Variants in PKN2 observed in about 807,000 individuals in gnomAD.
PKN2 encodes the protein protein kinase N2.
A neutral mutation model predicts 119.1 loss-of-function variants in PKN2; 38 were observed. The ratio of observed to expected loss-of-function variants is 0.32; its 90% CI spans 0.25 to 0.42. The LOEUF (loss-of-function observed/expected upper bound fraction) is 0.42. Ranked by LOEUF, PKN2 falls within the 10% of genes least tolerant of loss-of-function variation. The pLI, the probability that PKN2 is intolerant of heterozygous loss-of-function variation, is 1.00. For missense variants in PKN2, 850 were observed against 1,165.1 expected, an observed-to-expected ratio of 0.73 and a Z score of 3.94; for synonymous variants, 390 against 384.9, an observed-to-expected ratio of 1.01 and a Z score of -0.15.
intron 1 of PKN2, among the ~76,000 whole-genome samples, chr1:88,701,030 A>AT (rs993882344): frequency 3.9e-5 from 6 of 152,088 alleles, no homozygotes; most frequent in South Asian, 2.1e-4. Context: ...TCAGACTGAG[A>AT]TTTTTTTTAC....
At chr1:88,827,410 A>G (rs6693066) in intron 18 of PKN2, among the ~76,000 whole-genome samples, 2 of 151,954 alleles carry the variant, frequency 1.3e-5, no homozygotes, top group African/African-American at 4.8e-5. Flanking sequence ...CAAAATTTAT[A>G]TATGTTTCAT....
rs1483936743 is a variant in PKN2, at chr1:88,833,136, A to G, written c.2730A>G (p.Val910=). 6.2e-7 allele frequency: 1 copy of G among 1,612,968 alleles called. No individual in the cohort carries two copies. Among genetic ancestry groups the G allele is most frequent in the Non-Finnish European group, 8.5e-7 (1 of 1,179,340 alleles). ...LGASEKDAED[V]KKHPFFRLID... is the part of the protein sequence containing the mutation. Reference sequence around the variant, plus strand: ...CTAGCGAGAAAGATGCAGAGGATGTAAAAAAGCACCCATTTTTCCGGGTAA... The same window carrying G: ...CTAGCGAGAAAGATGCAGAGGATGTGAAAAAGCACCCATTTTTCCGGGTAA... The change falls in exon 21 of 22, where the codon GTA becomes GTG. Residue 910 remains valine (V), a synonymous_variant. Transcript: ENST00000370521.
At chr1:88,749,613 G>A (rs1024059384) in intron 2 of PKN2, among the ~76,000 whole-genome samples, 1 of 152,178 alleles carries the variant, frequency 6.6e-6, no homozygotes. Flanking sequence ...TACAACCTGA[G>A]TAGGTTCCAG....
chr1:88,715,506 G>A (rs1297158544), intron 1 of PKN2, among the ~76,000 whole-genome samples: 1 of 152,176 alleles, frequency 6.6e-6, no homozygotes, highest in Non-Finnish European at 1.5e-5. Flanking sequence ...GAGGGTGTAT[G>A]TGTCCAGGAA....
chr1:88,826,051 A>C (rs1376216989), intron 18 of PKN2, among the ~76,000 whole-genome samples: 2 of 151,502 alleles, frequency 1.3e-5, no homozygotes, highest in African/African-American at 4.9e-5. Context: ...TACTACCCCA[A>C]CTCCCAAGTC....
chr1:88,806,580 G>C (rs1461845124), intron 12 of PKN2, among the ~76,000 whole-genome samples: 2 of 152,160 alleles, frequency 1.3e-5, no homozygotes, highest in Non-Finnish European at 2.9e-5. Flanking sequence ...GATGCTCATG[G>C]TCCAGAAGAG....
intron 1 of PKN2, among the ~76,000 whole-genome samples, chr1:88,713,127 G>A (rs761863778): frequency 4.6e-5 from 7 of 152,286 alleles, no homozygotes; most frequent in Middle Eastern, 3.4e-3. Context: ...TGGCTGTATA[G>A]TATTCCATGG....
At chr1:88,754,436 C>T (rs893830053) in intron 2 of PKN2, among the ~76,000 whole-genome samples, 1 of 152,120 alleles carries the variant, frequency 6.6e-6, no homozygotes, top group Non-Finnish European at 1.5e-5. Context: ...CAGTGTAGTA[C>T]ACATTTCAGT....
rs572050177 is a variant in PKN2, at chr1:88,807,461, A to C, written c.1934+18A>C. On this transcript the variant is annotated intron_variant, in intron 13 of 21. Coordinates refer to ENST00000370521, the MANE Select transcript of PKN2 (RefSeq NM_006256.4). Reference sequence around the variant, plus strand: ...GACAGAAGGTAAAGAATATATACCAAATTTTGCGACTACATGTTTGGTACC... The same window carrying C: ...GACAGAAGGTAAAGAATATATACCACATTTTGCGACTACATGTTTGGTACC... 2.5e-6 allele frequency: 4 copies of C among 1,607,020 alleles called. No homozygotes were observed. The highest frequency in any genetic ancestry group is 3.4e-6 in the Non-Finnish European group (4 of 1,177,632).
At chr1:88,775,516 G>A (rs977798884) in intron 6 of PKN2, among the ~76,000 whole-genome samples, 2 of 152,102 alleles carry the variant, frequency 1.3e-5, no homozygotes, top group South Asian at 4.1e-4. Flanking sequence ...ATTTACCGAA[G>A]GACTTCTTGG....
At chr1:88,788,660 G>T (rs558489600) in intron 8 of PKN2, among the ~76,000 whole-genome samples, 1 of 152,118 alleles carries the variant, frequency 6.6e-6, no homozygotes, top group South Asian at 2.1e-4. Flanking sequence ...GGTCAGGCTG[G>T]TCTTGAACTC....
At chr1:88,765,405 A>G (rs902283690) in intron 3 of PKN2, among the ~76,000 whole-genome samples, 2 of 152,246 alleles carry the variant, frequency 1.3e-5, no homozygotes, top group South Asian at 2.1e-4. Flanking sequence ...AAGCCTCCAC[A>G]TATGGATATA....
chr1:88,710,907 A>G (rs1274637353), intron 1 of PKN2, among the ~76,000 whole-genome samples: 1 of 152,234 alleles, frequency 6.6e-6, no homozygotes, highest in Non-Finnish European at 1.5e-5. Flanking sequence ...CTAAATGCCC[A>G]CCAATAATAG....
intron 15 of PKN2, among the ~76,000 whole-genome samples, chr1:88,813,143 A>G (rs1398452722): frequency 6.6e-6 from 1 of 152,166 alleles, no homozygotes; most frequent in Non-Finnish European, 1.5e-5. Context: ...TGAATACTAT[A>G]GCTTGTGAAT....
intron 18 of PKN2, among the ~76,000 whole-genome samples, chr1:88,826,580 C>A (rs887616102): frequency 1.3e-5 from 2 of 152,110 alleles, no homozygotes; most frequent in East Asian, 1.9e-4. Flanking sequence ...ATCCACCCCC[C>A]TTCCACCTCC....
chr1:88,824,644 T>C (rs889150828), intron 18 of PKN2, among the ~76,000 whole-genome samples: 4 of 152,214 alleles, frequency 2.6e-5, no homozygotes, highest in African/African-American at 9.6e-5. Context: ...GTCACTACTT[T>C]AAGGAAGTAT....
At chr1:88,755,669 G>T (rs565499586) in intron 2 of PKN2, among the ~76,000 whole-genome samples, 1 of 151,990 alleles carries the variant, frequency 6.6e-6, no homozygotes, top group Non-Finnish European at 1.5e-5. Context: ...TACAGTAACC[G>T]TCAATTTGTG....
At chr1:88,737,103 TGTG>T (rs1668379288) in intron 1 of PKN2, among the ~76,000 whole-genome samples, 1 of 152,118 alleles carries the variant, frequency 6.6e-6, no homozygotes, top group African/African-American at 2.4e-5. Flanking sequence ...CAGGCAGTAT[TGTG>T]GCCAGGACGG....
At chr1:88,738,004 C>G (rs1668423750) in intron 1 of PKN2, among the ~76,000 whole-genome samples, 1 of 152,164 alleles carries the variant, frequency 6.6e-6, no homozygotes, top group Admixed American at 6.5e-5. Flanking sequence ...ATTTATGTTT[C>G]TGTGGGGAGT....
Sources: allele counts gnomAD v4.1 joint callset (sites outside exome capture counted in the v4.1 genomes callset), GRCh38; gene constraint gnomAD v4.1.1; transcripts MANE v1.5; gene names NCBI Gene and HGNC (gene_info 2026-07-23, HGNC 2026-07-21).